CSMD2: variants seen among roughly 807,000 people sequenced by gnomAD.
The protein encoded by CSMD2 is CUB and sushi domain-containing protein 2.
Under a neutral mutation model 398.5 loss-of-function variants are expected in CSMD2, and 130 were observed. The ratio of observed to expected loss-of-function variants is 0.33; its 90% CI spans 0.28 to 0.38. CSMD2 has a LOEUF of 0.38. CSMD2 is among the 10% of genes least tolerant of loss of function. CSMD2 has a pLI of 1.00. For synonymous variants in CSMD2, 1,828 were observed against 1,908.5 expected (o/e 0.96, Z 1.10); for missense variants, 3,829 against 4,764.9 (o/e 0.80, Z 5.78).
chr1:34,021,783 G>T (rs76955097), intron 3 of CSMD2, among the ~76,000 whole-genome samples: 2,158 of 152,328 alleles, frequency 0.014, 55 homozygotes, highest in African/African-American at 0.049. Context: ...CTGACCATCA[G>T]AGAGCTCTGG....
intron 44 of CSMD2, among the ~76,000 whole-genome samples, chr1:33,596,988 A>G (rs555940600): frequency 6.6e-6 from 1 of 152,246 alleles, no homozygotes; most frequent in South Asian, 2.1e-4. Flanking sequence ...AGTCCATGTT[A>G]TCTAGACTTA....
At chr1:33,965,776 T>C (rs755111486) in intron 3 of CSMD2, among the ~76,000 whole-genome samples, 2 of 152,212 alleles carry the variant, frequency 1.3e-5, no homozygotes, top group Non-Finnish European at 2.9e-5. Flanking sequence ...CATAATACCA[T>C]GCATAGGTTC....
rs1653990369 is a variant in CSMD2 at position 33,518,817 on chromosome 1, AAT to A, written c.*53+646_*53+647del. On this transcript the variant is annotated intron_variant, in intron 70 of 70. Coordinates refer to ENST00000373381, the MANE Select transcript of CSMD2 (RefSeq NM_001281956.2). This position sits in a 1 kb window ranked among gnomAD's most constrained non-coding sequence, Gnocchi z 4.3. ...TTCCTTAGATGAATCTCTCTCTCTA[AAT>A]ATATATTTATTTATATTTCTATCTC... 6.6e-6 allele frequency among the ~76,000 whole-genome samples: 1 copy of A among 152,074 alleles called. No individual in the cohort carries two copies. The highest frequency in any genetic ancestry group is 2.1e-4 in the South Asian group (1 of 4,816).
chr1:33,617,038 A>G, intron 38 of CSMD2, 63 bp from the exon 39 acceptor site: 1 of 1,334,604 alleles, frequency 7.5e-7, no homozygotes, highest in Non-Finnish European at 1.1e-6. Context: ...ATGTACAACC[A>G]GGGGCTGTAC....
At position 33,569,399 on chromosome 1, in the gene CSMD2, C is replaced by T; in HGVS notation, c.8106G>A (p.Trp2702Ter). ...RVRECMANGL[W>*]SGSEVRCLAT... ...CAAGGCAGCGGACTTCAGAGCCACT[C>T]CAGAGCCCATTGGCCATGCACTCAC... The change falls in exon 52 of 71, where the codon TGG becomes TGA. Residue 2702 changes from tryptophan to a stop codon, truncating the protein, a stop_gained. Transcript: ENST00000373381. LOFTEE classifies it high-confidence loss of function. 6.2e-7 allele frequency: 1 copy of T among 1,613,948 alleles called. No homozygotes were observed. The highest frequency in any genetic ancestry group is 8.5e-7 in the Non-Finnish European group (1 of 1,179,956).
intron 3 of CSMD2, among the ~76,000 whole-genome samples, chr1:33,948,520 G>A (rs1043401707): frequency 2.6e-5 from 4 of 152,136 alleles, no homozygotes; most frequent in Admixed American, 6.5e-5. Context: ...TTCAGGATGC[G>A]TCTGAACACA....
In CSMD2 at chr1:33,624,093, T is replaced by C. The variant is rs1354946956; in HGVS notation, c.5625+426A>G. ...CTGGGTGCTTTGCTCTTTCTTCTCA[T>C]TAGCACTGCCTCCCCTTCTAACCCT... On this transcript the variant is annotated intron_variant, in intron 35 of 70. Transcript: ENST00000373381. The surrounding 1 kb of genome is among the most constrained non-coding windows in gnomAD (Gnocchi z 4.7). Among the ~76,000 whole-genome samples, 1 of 152,228 alleles carries C rather than the reference T, an allele frequency of 6.6e-6. No individual in the cohort carries two copies. Among genetic ancestry groups the C allele is most frequent in the Non-Finnish European group, 1.5e-5 (1 of 68,030 alleles).
At position 33,620,485 on chromosome 1, in the gene CSMD2, G is replaced by A. The variant is rs534279192; in HGVS notation, c.5827+1682C>T. ...GGGAAAACTGCCAGTCCCCTTGGAC[G>A]AAGAAAATTGAGAAGAGGTGGATTT... On this transcript the variant is annotated intron_variant, in intron 37 of 70. Transcript: ENST00000373381. 3.9e-3 allele frequency among the ~76,000 whole-genome samples: 600 copies of A among 152,326 alleles called. 6 individuals carry two copies. Among genetic ancestry groups the A allele is most frequent in the African/African-American group, 0.013 (557 of 41,568 alleles).
intron 51 of CSMD2, 130 bp from the exon 52 acceptor site, chr1:33,569,677 T>C: frequency 1.1e-6 from 1 of 886,814 alleles, no homozygotes; most frequent in African/African-American, 1.7e-5. Context: ...GACCAGAATA[T>C]GGGTTGTGTT....
chr1:33,755,816 TTTTTA>T (rs1648913395), intron 13 of CSMD2, among the ~76,000 whole-genome samples: 1 of 151,048 alleles, frequency 6.6e-6, no homozygotes, highest in Non-Finnish European at 1.5e-5. Context: ...TGACTAATTA[TTTTTA>T]TTTTTTTTTA....
chr1:34,056,940 C>T (rs868177596), intron 2 of CSMD2, among the ~76,000 whole-genome samples: 6 of 152,168 alleles, frequency 3.9e-5, no homozygotes, highest in Non-Finnish European at 7.3e-5. Context: ...GCATAGAATA[C>T]GCAACTCAGA....
intron 3 of CSMD2, among the ~76,000 whole-genome samples, chr1:33,955,617 T>C (rs894549033): frequency 9.9e-5 from 15 of 152,104 alleles, no homozygotes; most frequent in African/African-American, 3.4e-4. Context: ...TAGAATGAAA[T>C]GTAGAATAAT....
rs753231196 is a variant in CSMD2 at position 33,519,861 on chromosome 1, A to T, written c.10687T>A (p.Phe3563Ile). ...SSVAAAILVP[F>I]IALIIAGFVL... ...AAGCCCGCAATAATGAGGGCGATGA[A>T]AGGCACCAGGATCGCGGCTGCCACT... Residue 3563 changes from phenylalanine (F) to isoleucine (I), a missense_variant, in exon 69 of 71, where the codon TTC (phenylalanine) becomes ATC (isoleucine). By Grantham distance (21) the Phe-to-Ile change is conservative. This residue lies in a region of CSMD2 where 917 missense variants were observed against 1,199.5 expected (regional missense o/e 0.76). Coordinates refer to ENST00000373381, the MANE Select transcript of CSMD2 (RefSeq NM_001281956.2). The surrounding 1 kb of genome is among the most constrained non-coding windows in gnomAD (Gnocchi z 5.6). 87 of 1,613,888 alleles carry T rather than the reference A, an allele frequency of 5.4e-5. No individual in the cohort carries two copies. The highest frequency in any genetic ancestry group is 6.6e-5 in the Non-Finnish European group (78 of 1,180,002).
intron 55 of CSMD2, among the ~76,000 whole-genome samples, chr1:33,554,313 C>A (rs1657756296): frequency 1.3e-5 from 2 of 151,520 alleles, no homozygotes; most frequent in Admixed American, 1.3e-4. Flanking sequence ...CCTGCCTCAG[C>A]CTCCCGAGTA....
chr1:33,960,390 C>T (rs1211608807), intron 3 of CSMD2, among the ~76,000 whole-genome samples: 1 of 152,220 alleles, frequency 6.6e-6, no homozygotes, highest in African/African-American at 2.4e-5. Flanking sequence ...TTCGCTCACA[C>T]AGACATTATC....
chr1:33,973,946 T>C (rs1645865525), intron 3 of CSMD2, among the ~76,000 whole-genome samples: 1 of 152,176 alleles, frequency 6.6e-6, no homozygotes, highest in Non-Finnish European at 1.5e-5. Context: ...TGAGCAGAAC[T>C]GCCCTCTGCT....
chr1:33,762,772 T>C (rs11800841), intron 13 of CSMD2, among the ~76,000 whole-genome samples: 3,915 of 152,296 alleles, frequency 0.026, 58 homozygotes, highest in South Asian at 0.03. Context: ...TAAAAGCACA[T>C]GCTTATCTTA....
intron 1 of CSMD2, among the ~76,000 whole-genome samples, chr1:34,103,314 T>A (rs12402324): frequency 6.1e-5 from 7 of 114,712 alleles, no homozygotes; most frequent in South Asian, 3.2e-4. Context: ...TTTTTTTCTT[T>A]CTGAGCCAGA....
At chr1:34,032,049 A>G (rs1160891210) in intron 3 of CSMD2, among the ~76,000 whole-genome samples, 1 of 152,156 alleles carries the variant, frequency 6.6e-6, no homozygotes, top group Non-Finnish European at 1.5e-5. Context: ...GTTAATTTGA[A>G]TTCTAACACC....
Sources: allele counts gnomAD v4.1 joint callset (sites outside exome capture counted in the v4.1 genomes callset), GRCh38; gene constraint gnomAD v4.1.1; regional missense constraint gnomAD v4.1.1; non-coding constraint Gnocchi (gnomAD v3.1); transcripts MANE v1.5; gene names NCBI Gene and HGNC (gene_info 2026-07-23, HGNC 2026-07-21).